CDC42SE2: variants seen among roughly 807,000 people sequenced by gnomAD.
CDC42SE2 encodes CDC42 small effector 2, also known as CDC42 small effector protein 2.
A neutral mutation model predicts 11.5 loss-of-function variants in CDC42SE2; 3 were observed. The observed-to-expected ratio is 0.26, with a 90% confidence interval of 0.12 to 0.67. CDC42SE2 has a LOEUF of 0.67. Ranked by LOEUF, CDC42SE2 falls within the 30% of genes least tolerant of loss-of-function variation. CDC42SE2 has a pLI of 0.80. For missense variants in CDC42SE2, 82 were observed against 106.8 expected, an observed-to-expected ratio of 0.77 and a Z score of 1.02; for synonymous variants, 33 against 34.8, an observed-to-expected ratio of 0.95 and a Z score of 0.18.
chr5:131,246,272 A>G (rs1283933837), intron 1 of CDC42SE2, among the ~76,000 whole-genome samples: 3 of 152,164 alleles, frequency 2.0e-5, no homozygotes, highest in African/African-American at 7.2e-5. Flanking sequence ...CCTGGCCAAC[A>G]TGGTGAAACC....
intron 2 of CDC42SE2, among the ~76,000 whole-genome samples, chr5:131,257,540 C>T (rs1180043457): frequency 6.6e-6 from 1 of 150,670 alleles, no homozygotes; most frequent in Non-Finnish European, 1.5e-5. Context: ...TGCAGTGGCA[C>T]GATCTTGGCT....
chr5:131,230,467 G>A, the CDC42SE2 span, among the ~76,000 whole-genome samples: 1 of 152,212 alleles, frequency 6.6e-6, no homozygotes, highest in Non-Finnish European at 1.5e-5. Context: ...GTGAAAAATG[G>A]TGTCACTCCA....
chr5:131,236,344 A>G, the CDC42SE2 span, among the ~76,000 whole-genome samples: 1 of 152,060 alleles, frequency 6.6e-6, no homozygotes, highest in African/African-American at 2.4e-5. Context: ...TTCATAGTTT[A>G]ATTTTTTACA....
chr5:131,350,457 A>T (rs979888874), intron 2 of CDC42SE2, among the ~76,000 whole-genome samples: 2 of 152,102 alleles, frequency 1.3e-5, no homozygotes, highest in Admixed American at 1.3e-4. Flanking sequence ...TAATGGGATG[A>T]TTGATTCATA....
intron 1 of CDC42SE2, among the ~76,000 whole-genome samples, chr5:131,248,803 C>T (rs1756616813): frequency 6.6e-6 from 1 of 151,900 alleles, no homozygotes; most frequent in Non-Finnish European, 1.5e-5. Flanking sequence ...TTAAGAAACA[C>T]GAAAAAGTTC....
chr5:131,236,080 A>G, the CDC42SE2 span, among the ~76,000 whole-genome samples: 2 of 152,208 alleles, frequency 1.3e-5, no homozygotes, highest in Middle Eastern at 3.4e-3. Context: ...CCTTTCCTTT[A>G]TAGAATTGTT....
Position 131,393,218 on chromosome 5 carries a change from T to TTATC in CDC42SE2, c.*2129_*2132dup, listed in dbSNP as rs776715711. ...TTGGAATAAAGGAACAGGGATCACT[T>TTATC]TATCTTCTGCCTTCATTTACCTTAG... On this transcript the variant is annotated 3_prime_UTR_variant, in exon 5 of 5. Coordinates refer to ENST00000505065, the MANE Select transcript of CDC42SE2 (RefSeq NM_001375635.1). The TTATC allele has an allele frequency of 4.6e-5, 7 of 152,484 alleles. No homozygotes were observed. In the East Asian group the frequency reaches 9.4e-4, roughly 20 times the overall value. The allele number at this position is 152,484 out of a possible 1,614,324, so 9.4% of individuals were successfully genotyped here.
At chr5:131,343,601 A>G (rs1395205497) in intron 2 of CDC42SE2, among the ~76,000 whole-genome samples, 1 of 151,874 alleles carries the variant, frequency 6.6e-6, no homozygotes, top group Non-Finnish European at 1.5e-5. Context: ...AATCCTAGCT[A>G]CTCAGGAAGG....
At chr5:131,278,891 T>G (rs867360629) in intron 1 of CDC42SE2, among the ~76,000 whole-genome samples, 40 of 144,334 alleles carry the variant, frequency 2.8e-4, no homozygotes, top group African/African-American at 1.0e-3. Context: ...TTCAAGTGAT[T>G]CTCCTGCCTC....
At chr5:131,365,851 G>A (rs899093642) in intron 3 of CDC42SE2, among the ~76,000 whole-genome samples, 34 of 152,078 alleles carry the variant, frequency 2.2e-4, no homozygotes, top group African/African-American at 7.2e-4. Flanking sequence ...GTGTGGTGGC[G>A]GGTGCCTGTA....
the CDC42SE2 span, among the ~76,000 whole-genome samples, chr5:131,219,592 G>A: frequency 6.6e-6 from 1 of 152,110 alleles, no homozygotes; most frequent in Non-Finnish European, 1.5e-5. Flanking sequence ...CAGAACTTGG[G>A]CTGCTATAAC....
At chr5:131,263,950 CT>C (rs942767286), upstream of CDC42SE2, 2 of 151,534 alleles carry the variant, frequency 1.3e-5, no homozygotes, top group Admixed American at 1.3e-4. Context: ...ACTGCGGTCG[CT>C]GCAGCTGCGC....
the CDC42SE2 span, among the ~76,000 whole-genome samples, chr5:131,212,855 AAAT>A: frequency 6.6e-6 from 1 of 152,174 alleles, no homozygotes; most frequent in African/African-American, 2.4e-5. Flanking sequence ...TATGCATCAA[AAAT>A]AATAATGACC....
At chr5:131,352,585 G>A (rs1749374744) in intron 2 of CDC42SE2, among the ~76,000 whole-genome samples, 1 of 152,064 alleles carries the variant, frequency 6.6e-6, no homozygotes, top group Non-Finnish European at 1.5e-5. Context: ...ACTGAGTTCA[G>A]GGAACAATGG....
the CDC42SE2 span, among the ~76,000 whole-genome samples, chr5:131,231,448 C>CA: frequency 7.9e-5 from 12 of 151,708 alleles, no homozygotes; most frequent in African/African-American, 1.9e-4. Context: ...GCAAAAGCAA[C>CA]AAAAAAAACA....
intron 2 of CDC42SE2, among the ~76,000 whole-genome samples, chr5:131,349,573 T>C (rs1367823172): frequency 6.6e-6 from 1 of 152,166 alleles, no homozygotes; most frequent in East Asian, 1.9e-4. Flanking sequence ...TTTTCGACTG[T>C]GCAGGGAATT....
At chr5:131,301,137 G>A (rs1374945679) in intron 1 of CDC42SE2, among the ~76,000 whole-genome samples, 2 of 152,112 alleles carry the variant, frequency 1.3e-5, no homozygotes, top group African/African-American at 4.8e-5. Context: ...CACTACCGTT[G>A]CTGTGGGTGT....
At chr5:131,318,625 C>G (rs943866490) in intron 2 of CDC42SE2, among the ~76,000 whole-genome samples, 1 of 152,200 alleles carries the variant, frequency 6.6e-6, no homozygotes, top group African/African-American at 2.4e-5. Flanking sequence ...AAGCCATGCC[C>G]TAGTTACTCC....
At chr5:131,328,201 G>A (rs191048751) in intron 2 of CDC42SE2, among the ~76,000 whole-genome samples, 11 of 152,236 alleles carry the variant, frequency 7.2e-5, no homozygotes, top group Admixed American at 6.5e-4. Context: ...AAAAACCCCT[G>A]CTGCAAGGAT....
Sources: gnomAD v4.1 joint callset for allele counts (sites outside exome capture counted in the v4.1 genomes callset) on GRCh38, gnomAD v4.1.1 for gene constraint, MANE v1.5 for transcripts, NCBI Gene and HGNC (gene_info 2026-07-23, HGNC 2026-07-21) for gene names.